The following ARHGEF4 variants were observed in gnomAD, a reference collection of about 807,000 sequenced individuals.
ARHGEF4 encodes the protein APC-stimulated guanine nucleotide exchange factor 1.
A neutral mutation model predicts 162.0 loss-of-function variants in ARHGEF4; 119 were observed. That is an observed-to-expected ratio of 0.73 (90% CI 0.63 to 0.86). ARHGEF4 has a LOEUF of 0.86. Ranked by LOEUF, ARHGEF4 falls within the 40% of genes least tolerant of loss-of-function variation. The probability of loss-of-function intolerance (pLI) is 0.00; values close to 1 mark genes in which losing one functional copy is unlikely to be tolerated. For synonymous variants in ARHGEF4, 1,014 were observed against 979.9 expected (o/e 1.03, Z -0.65); for missense variants, 2,488 against 2,456.0 (o/e 1.01, Z -0.28).
At chr2:131,002,980 G>T (rs1687880485) in intron 4 of ARHGEF4, among the ~76,000 whole-genome samples, 1 of 152,144 alleles carries the variant, frequency 6.6e-6, no homozygotes, top group Admixed American at 6.5e-5. Flanking sequence ...TACTACATTT[G>T]CTGAATAGAT....
At position 130,914,004 on chromosome 2, in the gene ARHGEF4, C is replaced by T; in HGVS notation, c.58C>T (p.His20Tyr). ...CTCCCAGACTCCAGAGCCAGGTGCA[C>T]ACCTGCCAGGTGAAGGTGAGATTGA... is the stretch of plus-strand genomic sequence containing the variant. The part of the protein sequence containing the change: ...SFFKTPEPGA[H>Y]LPGEGEIEDN... The change falls in exon 2 of 14, where the codon CAC (histidine) becomes TAC (tyrosine). Residue 20 changes from histidine to tyrosine, a missense_variant. Physicochemically the swap from His to Tyr is moderately conservative, Grantham distance 83. This residue lies in a region of ARHGEF4 where 171 missense variants were observed against 169.4 expected (regional missense o/e 1.01). Coordinates refer to ENST00000409359, the MANE Select transcript of ARHGEF4 (RefSeq NM_001367493.1). 1 of 1,536,126 alleles carries T rather than the reference C, an allele frequency of 6.5e-7. No individual in the cohort carries two copies. The highest frequency in any genetic ancestry group is 8.7e-7 in the Non-Finnish European group (1 of 1,146,914).
intron 2 of ARHGEF4, among the ~76,000 whole-genome samples, chr2:130,930,720 A>T (rs72861462): frequency 0.18 from 27,111 of 152,178 alleles, 2,520 homozygotes; most frequent in South Asian, 0.29. Flanking sequence ...TAGATTTTTT[A>T]AAAAATACTC....
intron 2 of ARHGEF4, among the ~76,000 whole-genome samples, chr2:130,921,415 G>T (rs1017950992): frequency 6.6e-6 from 1 of 152,140 alleles, no homozygotes; most frequent in Non-Finnish European, 1.5e-5. Context: ...TGGGTCAGGG[G>T]CCTACTGCAC....
At chr2:130,928,473 C>T (rs539735248) in intron 2 of ARHGEF4, among the ~76,000 whole-genome samples, 16 of 152,298 alleles carry the variant, frequency 1.1e-4, no homozygotes, top group African/African-American at 3.8e-4. Flanking sequence ...TTCAATTATT[C>T]AGGACCACAA....
intron 1 of ARHGEF4, among the ~76,000 whole-genome samples, chr2:130,864,730 AAAAC>A (rs1482011011): frequency 6.6e-6 from 1 of 152,216 alleles, no homozygotes; most frequent in Non-Finnish European, 1.5e-5. Flanking sequence ...TCTCAAAACA[AAAAC>A]AAAAACAAAA....
At chr2:130,896,843 G>A (rs1172515263) in intron 1 of ARHGEF4, among the ~76,000 whole-genome samples, 1 of 152,172 alleles carries the variant, frequency 6.6e-6, no homozygotes, top group Admixed American at 6.5e-5. Context: ...GGGCCACACT[G>A]CTCACATTGG....
intron 4 of ARHGEF4, among the ~76,000 whole-genome samples, chr2:130,974,727 G>T (rs189244095): frequency 3.0e-4 from 46 of 151,878 alleles, no homozygotes; most frequent in Middle Eastern, 6.8e-3. Flanking sequence ...CTCCCAAAAT[G>T]CTGGGATTAC....
chr2:130,966,919 G>A (rs116766286), intron 4 of ARHGEF4, among the ~76,000 whole-genome samples: 24 of 152,330 alleles, frequency 1.6e-4, no homozygotes, highest in African/African-American at 5.8e-4. Context: ...TGTTTGACTA[G>A]TCTAACGGCT....
chr2:130,877,983 A>G (rs993989394), intron 1 of ARHGEF4, among the ~76,000 whole-genome samples: 3 of 152,138 alleles, frequency 2.0e-5, no homozygotes, highest in South Asian at 2.1e-4. Context: ...CTTGTACGGT[A>G]TCCAGCCCTG....
At chr2:130,917,823 C>CTTTTTTTT (rs72157600) in intron 2 of ARHGEF4, among the ~76,000 whole-genome samples, 7 of 106,950 alleles carry the variant, frequency 6.5e-5, no homozygotes, top group Non-Finnish European at 1.2e-4. Context: ...TTCTTTTTTT[C>CTTTTTTTT]TTTTTTTTTT....
At chr2:130,937,643 A>G (rs1387589428) in intron 3 of ARHGEF4, among the ~76,000 whole-genome samples, 3 of 149,986 alleles carry the variant, frequency 2.0e-5, no homozygotes, top group East Asian at 2.0e-4. Flanking sequence ...TGAGTGGGCC[A>G]TACTTTCTTG....
chr2:130,870,809 A>G (rs1678426647), intron 1 of ARHGEF4, among the ~76,000 whole-genome samples: 1 of 151,966 alleles, frequency 6.6e-6, no homozygotes, highest in Admixed American at 6.5e-5. Flanking sequence ...GTGGTGGCAG[A>G]GAAGGGAAAG....
chr2:130,890,790 G>GT lies in ARHGEF4; in HGVS notation c.40-23189dup, dbSNP rs201757495. On this transcript the variant is annotated intron_variant, in intron 1 of 13. Coordinates refer to ENST00000409359, the MANE Select transcript of ARHGEF4 (RefSeq NM_001367493.1). ...CTATAGATACTTAAGCTTGTCTTTTGTTTTTTTAAACATAGTAAACATACT... is the reference window on the plus strand; with the variant it reads ...CTATAGATACTTAAGCTTGTCTTTTGTTTTTTTTAAACATAGTAAACATACT... Among the ~76,000 whole-genome samples the GT allele has an allele frequency of 7.0e-3, 1,064 of 151,886 alleles. 15 individuals carry two copies. The highest frequency in any genetic ancestry group is 0.025 in the African/African-American group (1,027 of 41,404).
At chr2:130,854,331 T>C (rs1574102598) in intron 1 of ARHGEF4, among the ~76,000 whole-genome samples, 1 of 152,042 alleles carries the variant, frequency 6.6e-6, no homozygotes, top group East Asian at 1.9e-4. Context: ...TTCTTTGGAG[T>C]CTGGCTCTAT....
At chr2:130,944,224 A>T (rs11687441) in intron 3 of ARHGEF4, among the ~76,000 whole-genome samples, 2,754 of 152,076 alleles carry the variant, frequency 0.018, 38 homozygotes, top group South Asian at 0.036. Context: ...TCTAATTTTC[A>T]GCAGTTTATG....
intron 5 of ARHGEF4, among the ~76,000 whole-genome samples, chr2:131,032,822 C>CTTTCTTTTTTCTTTTCTTTTCT (rs147377133): frequency 1.7e-3 from 239 of 141,544 alleles, no homozygotes; most frequent in African/African-American, 6.6e-3. Context: ...TGCCTTCAAG[C>CTTTCTTTTTTCTTTTCTTTTCT]TTTCTTTTCT....
At chr2:130,888,632 C>T (rs927066217) in intron 1 of ARHGEF4, among the ~76,000 whole-genome samples, 1 of 152,040 alleles carries the variant, frequency 6.6e-6, no homozygotes, top group Non-Finnish European at 1.5e-5. Context: ...CACTGATCTT[C>T]CTTCTTCAGT....
chr2:131,033,725 G>A (rs887325115), intron 5 of ARHGEF4, among the ~76,000 whole-genome samples: 7 of 152,138 alleles, frequency 4.6e-5, no homozygotes, highest in African/African-American at 1.7e-4. Flanking sequence ...GCAGACCAGC[G>A]TTTTCTAAAG....
At position 130,949,902 on chromosome 2, in the gene ARHGEF4, G is replaced by T. The variant is rs572584362; in HGVS notation, c.3985+3267G>T. Among the ~76,000 whole-genome samples, 21 of 152,340 alleles carry T rather than the reference G, an allele frequency of 1.4e-4. No individual in the cohort carries two copies. The South Asian group carries it at 2.1e-3, about 15-fold the overall frequency. On this transcript the variant is annotated intron_variant, in intron 4 of 13. Transcript: ENST00000409359. Reference sequence around the variant, plus strand: ...GACCTCAGGTGATCTGTTTGCCTCAGTTTCCCAAAGTGCTGGAATTACAGG... The same window carrying T: ...GACCTCAGGTGATCTGTTTGCCTCATTTTCCCAAAGTGCTGGAATTACAGG...
Sources: allele counts gnomAD v4.1 joint callset (sites outside exome capture counted in the v4.1 genomes callset), GRCh38; gene constraint gnomAD v4.1.1; regional missense constraint gnomAD v4.1.1; transcripts MANE v1.5; gene names NCBI Gene and HGNC (gene_info 2026-07-23, HGNC 2026-07-21).